The following HEATR3 variants were observed in gnomAD, a reference collection of about 807,000 sequenced individuals.
The protein encoded by HEATR3 is HEAT repeat containing 3.
In HEATR3, 56 loss-of-function variants were observed where a neutral mutation model predicts 72.8. That is an observed-to-expected ratio of 0.77 (90% CI 0.62 to 0.96). HEATR3 has a LOEUF of 0.96. Among genes scored for constraint, HEATR3 ranks in the 40% least tolerant of loss-of-function variants. HEATR3 has a pLI of 0.00. For synonymous variants in HEATR3, 331 were observed against 318.1 expected (o/e 1.04, Z -0.43); for missense variants, 747 against 831.4 (o/e 0.90, Z 1.25).
chr16:50,069,191 T>C (rs1270226715), intron 3 of HEATR3: 1 of 191,034 alleles, frequency 5.2e-6, no homozygotes, highest in African/African-American at 2.4e-5. Flanking sequence ...TTGGATATTA[T>C]ATAATTTAAT....
chr16:50,078,064 A>G (rs779227146), intron 6 of HEATR3, among the ~76,000 whole-genome samples: 3 of 151,658 alleles, frequency 2.0e-5, no homozygotes, highest in Non-Finnish European at 4.4e-5. Flanking sequence ...TTTAGTAGAG[A>G]TGAGGTTTCA....
At chr16:50,087,028 A>G (rs188367366) in intron 11 of HEATR3, among the ~76,000 whole-genome samples, 18 of 152,284 alleles carry the variant, frequency 1.2e-4, no homozygotes, top group Non-Finnish European at 2.2e-4. Flanking sequence ...CAGAATTCAA[A>G]AGTTATTAGA....
Position 50,072,602 on chromosome 16 carries a change from T to C in HEATR3, c.513-3T>C. On this transcript the variant is annotated splice_polypyrimidine_tract_variant and splice_region_variant and intron_variant, in intron 4 of 14. Coordinates refer to ENST00000299192, the MANE Select transcript of HEATR3 (RefSeq NM_182922.4). ...AAAACTTTTTTTTCCCCCTTCAATT[T>C]AGTGAATGCAGTAGTAGAGCAGTGT... is the stretch of plus-strand genomic sequence containing the variant. 1 of 1,583,770 alleles carries C rather than the reference T, an allele frequency of 6.3e-7. No homozygotes were observed. Among genetic ancestry groups the C allele is most frequent in the Non-Finnish European group, 8.7e-7 (1 of 1,154,270 alleles).
At position 50,100,213 on chromosome 16, in the gene HEATR3, C is replaced by G. The variant is rs1223360919; in HGVS notation, c.1600-17C>G. ...TGAGTTTAACATTATAAATACTGTC[C>G]TCTTCTCTTTTAACAGTGCATGACT... On this transcript the variant is annotated splice_polypyrimidine_tract_variant and intron_variant, in intron 12 of 14. Transcript: ENST00000299192. 1.9e-6 allele frequency: 3 copies of G among 1,605,562 alleles called. No individual in the cohort carries two copies. The highest frequency in any genetic ancestry group is 2.6e-6 in the Non-Finnish European group (3 of 1,176,168).
rs756526994 is a variant in HEATR3, at chr16:50,084,264, T to C, written c.1263T>C (p.Ala421=). ...PLCLSHEVHT[A]LTNYLIPKKI... ...GCCTCTCCCATGAAGTTCACACGGC[T>C]CTCACCAACTACCTCATCCCAAAGA... Residue 421 remains alanine, a synonymous_variant, in exon 9 of 15, where the codon GCT becomes GCC. Transcript: ENST00000299192. 6.2e-7 allele frequency: 1 copy of C among 1,614,096 alleles called. No individual in the cohort carries two copies. The highest frequency in any genetic ancestry group is 2.2e-5 in the East Asian group (1 of 44,888).
At chr16:50,100,097 TA>T (rs11355227) in intron 12 of HEATR3, 132 bp from the exon 13 acceptor site, 617,655 of 771,008 alleles carry the variant, frequency 0.8, 248,675 homozygotes, top group South Asian at 0.84. Context: ...AATAGTAACT[TA>T]CCTGCCAGGA....
At chr16:50,087,473 T>C (rs2037013266) in intron 11 of HEATR3, among the ~76,000 whole-genome samples, 1 of 152,330 alleles carries the variant, frequency 6.6e-6, no homozygotes, top group East Asian at 1.9e-4. Flanking sequence ...ATTTTCATAG[T>C]TCCTCATAGT....
chr16:50,106,213 G>T lies in HEATR3; in HGVS notation c.*1152G>T, dbSNP rs962055673. The T allele has an allele frequency of 8.5e-5, 13 of 152,102 alleles. No individual in the cohort carries two copies. The highest frequency in any genetic ancestry group is 8.3e-4 in the South Asian group (4 of 4,822). 9.4% of individuals were successfully genotyped at this position (152,102 alleles called of 1,614,324 possible). A position where few individuals can be genotyped will look rare whatever the true frequency, so the allele number is the denominator to read the frequency against. ...GTTTGCCTTTTGTGAAGAAGTAAAT[G>T]AGTTGAATTTCTATTTCACTTACTA... On this transcript the variant is annotated 3_prime_UTR_variant, in exon 15 of 15. Coordinates refer to ENST00000299192, the MANE Select transcript of HEATR3 (RefSeq NM_182922.4).
chr16:50,099,560 T>C (rs180721988), intron 12 of HEATR3, among the ~76,000 whole-genome samples: 1 of 152,304 alleles, frequency 6.6e-6, no homozygotes, highest in African/African-American at 2.4e-5. Flanking sequence ...GGCTCCAGAT[T>C]CCAAGCCTTT....
At position 50,075,579 on chromosome 16, in the gene HEATR3, T is replaced by C; in HGVS notation, c.631T>C (p.Leu211=). 6.2e-7 allele frequency: 1 copy of C among 1,612,580 alleles called. No individual in the cohort carries two copies. Among genetic ancestry groups the C allele is most frequent in the South Asian group, 1.1e-5 (1 of 91,044 alleles). The change falls in exon 6 of 15, where the codon TTG becomes CTG. Residue 211 remains leucine, a synonymous_variant. Coordinates refer to ENST00000299192, the MANE Select transcript of HEATR3 (RefSeq NM_182922.4). The part of the protein sequence containing the change: ...VDLAISVAYC[L]QTVTEDNPEL... ...TATTTTTTGCCTCGTAGCATATTGT[T>C]TGCAGACAGTGACTGAGGATAACCC...
Position 50,066,267 on chromosome 16 carries a change from A to G in HEATR3, c.136A>G (p.Lys46Glu), listed in dbSNP as rs2036487498. The change falls in exon 1 of 15, where the codon AAG becomes GAG. Residue 46 changes from lysine to glutamate, a missense_variant and splice_region_variant. By Grantham distance (56) the Lys-to-Glu change is moderately conservative. Transcript: ENST00000299192. ...DDGPAAELLE[K>E]LQHPSAEVRE... ...CGGGCCGGCGGCGGAGCTGCTGGAA[A>G]AGGTGAGGCGAGGGCTCCGTCGGGC... 1.9e-6 allele frequency: 3 copies of G among 1,573,232 alleles called. No homozygotes were observed. The highest frequency in any genetic ancestry group is 8.6e-7 in the Non-Finnish European group (1 of 1,163,286).
In HEATR3 at chr16:50,084,759, C is replaced by G. The variant is rs1034865561; in HGVS notation, c.1373+108C>G. ...CCCCCTAGGACCCAGAAGTTTTGTTCCTGGGTATATATACCAGAAAAATAT... is the reference window on the plus strand; with the variant it reads ...CCCCCTAGGACCCAGAAGTTTTGTTGCTGGGTATATATACCAGAAAAATAT... On this transcript the variant is annotated intron_variant, in intron 10 of 14. Coordinates refer to ENST00000299192, the MANE Select transcript of HEATR3 (RefSeq NM_182922.4). 1.2e-5 allele frequency: 9 copies of G among 748,486 alleles called. No homozygotes were observed. In the South Asian group the frequency reaches 1.6e-4, roughly 13 times the overall value. The allele number at this position is 748,486 out of a possible 1,614,324, so 46.4% of individuals were successfully genotyped here. A position where few individuals can be genotyped will look rare whatever the true frequency, so the allele number is the denominator to read the frequency against.
rs1304310338 is a variant in HEATR3, at chr16:50,106,431, G to T, written c.*1370G>T. ...TCTTTTTTAAGATACCAAATAAAGGGTTATTAGTAGAAAATGAGATGATAC... is the reference window on the plus strand; with the variant it reads ...TCTTTTTTAAGATACCAAATAAAGGTTTATTAGTAGAAAATGAGATGATAC... On this transcript the variant is annotated 3_prime_UTR_variant, in exon 15 of 15. Transcript: ENST00000299192. The T allele has an allele frequency of 1.3e-5, 2 of 152,098 alleles. No homozygotes were observed. The highest frequency in any genetic ancestry group is 4.8e-5 in the African/African-American group (2 of 41,412). 9.4% of individuals were successfully genotyped at this position (152,098 alleles called of 1,614,324 possible).
intron 7 of HEATR3, among the ~76,000 whole-genome samples, chr16:50,083,241 A>T (rs953753333): frequency 6.6e-6 from 1 of 152,182 alleles, no homozygotes; most frequent in African/African-American, 2.4e-5. Context: ...CAGTATGGTT[A>T]TTTCACTTTC....
intron 3 of HEATR3, chr16:50,069,392 G>A (rs1378184542): frequency 1.3e-5 from 2 of 153,170 alleles, no homozygotes; most frequent in Non-Finnish European, 2.9e-5. Flanking sequence ...ATTCTGTACT[G>A]ATGGGTAATT....
intron 11 of HEATR3, among the ~76,000 whole-genome samples, chr16:50,094,490 T>C (rs1170682145): frequency 6.6e-6 from 1 of 152,226 alleles, no homozygotes; most frequent in Non-Finnish European, 1.5e-5. Flanking sequence ...GCTGTGATTA[T>C]TTTAACCACG....
rs192724077 is a variant in HEATR3 at position 50,088,884 on chromosome 16, G to A, written c.1510+2533G>A. Among the ~76,000 whole-genome samples the A allele has an allele frequency of 5.3e-5, 8 of 152,276 alleles. No homozygotes were observed. In the East Asian group the frequency reaches 5.8e-4, roughly 11 times the overall value. ...AACCCTGGCAGCCCTGGTTCCACAA[G>A]CTGCCATCTCTCAGCTCTGGGCCAT... On this transcript the variant is annotated intron_variant, in intron 11 of 14. Coordinates refer to ENST00000299192, the MANE Select transcript of HEATR3 (RefSeq NM_182922.4).
chr16:50,101,047 C>A (rs781723455), intron 13 of HEATR3, among the ~76,000 whole-genome samples: 40 of 151,552 alleles, frequency 2.6e-4, no homozygotes, highest in Non-Finnish European at 4.9e-4. Flanking sequence ...CTGCTAAGAA[C>A]TTTACAATGA....
intron 7 of HEATR3, 52 bp downstream of exon 7, chr16:50,079,070 T>C (rs762089710): frequency 3.1e-4 from 342 of 1,098,200 alleles, no homozygotes; most frequent in Non-Finnish European, 4.4e-4. Context: ...GTTTTTTTTT[T>C]CCAGCAGTTA....
Sources: gnomAD v4.1 joint callset for allele counts (sites outside exome capture counted in the v4.1 genomes callset) on GRCh38, gnomAD v4.1.1 for gene constraint, MANE v1.5 for transcripts, NCBI Gene and HGNC (gene_info 2026-07-23, HGNC 2026-07-21) for gene names.